The following PRLR variants were observed in gnomAD, a reference collection of about 807,000 sequenced individuals.
The protein encoded by PRLR is hPRL receptor.
Under a neutral mutation model 40.2 loss-of-function variants are expected in PRLR, and 13 were observed. The ratio of observed to expected loss-of-function variants is 0.32; its 90% confidence interval spans 0.21 to 0.51. The LOEUF is 0.51. PRLR is among the 20% of genes least tolerant of loss of function. The probability of loss-of-function intolerance (pLI) is 0.97; values close to 1 mark genes in which losing one functional copy is unlikely to be tolerated. For synonymous variants in PRLR, 269 were observed against 278.7 expected (o/e 0.97, Z 0.35); for missense variants, 656 against 747.3 (o/e 0.88, Z 1.42).
intron 1 of PRLR, among the ~76,000 whole-genome samples, chr5:35,217,763 T>C (rs1447035473): frequency 6.6e-6 from 1 of 152,208 alleles, no homozygotes; most frequent in African/African-American, 2.4e-5. Flanking sequence ...ATATGAACAC[T>C]ATTATGGTTT....
In PRLR at chr5:35,155,709, T is replaced by C. The variant is rs543668981; in HGVS notation, c.-105-37587A>G. 5.9e-4 allele frequency among the ~76,000 whole-genome samples: 90 copies of C among 152,286 alleles called. 2 individuals are homozygous for C. The highest frequency in any genetic ancestry group is 1.1e-3 in the Admixed American group (17 of 15,296). ...GAGTTACCGGAGATTCCAAAGCTAATAGAAGTCACTCCCAGGGCGTGAAGC... is the reference window on the plus strand; with the variant it reads ...GAGTTACCGGAGATTCCAAAGCTAACAGAAGTCACTCCCAGGGCGTGAAGC... On this transcript the variant is annotated intron_variant, in intron 1 of 9. Coordinates refer to ENST00000618457, the MANE Select transcript of PRLR (RefSeq NM_000949.7).
chr5:35,140,784 T>A (rs540756319), intron 1 of PRLR, among the ~76,000 whole-genome samples: 1 of 152,234 alleles, frequency 6.6e-6, no homozygotes, highest in Non-Finnish European at 1.5e-5. Flanking sequence ...AGAACTGTTT[T>A]AAATATTTTG....
intron 1 of PRLR, among the ~76,000 whole-genome samples, chr5:35,120,435 T>G (rs1773249588): frequency 6.6e-6 from 1 of 152,196 alleles, no homozygotes; most frequent in Non-Finnish European, 1.5e-5. Flanking sequence ...CTTGAATATG[T>G]GCTAAATTGT....
intron 2 of PRLR, among the ~76,000 whole-genome samples, chr5:35,106,760 C>A (rs183775521): frequency 1.3e-3 from 197 of 152,264 alleles, no homozygotes; most frequent in African/African-American, 4.6e-3. Context: ...GACTTATACT[C>A]CCACATAATA....
At chr5:35,182,467 A>C (rs1775319117) in intron 1 of PRLR, among the ~76,000 whole-genome samples, 1 of 152,224 alleles carries the variant, frequency 6.6e-6, no homozygotes, top group African/African-American at 2.4e-5. Flanking sequence ...TTCATCTTAA[A>C]CTTAAACTAC....
At chr5:35,176,750 A>G (rs942294907) in intron 1 of PRLR, among the ~76,000 whole-genome samples, 29 of 152,192 alleles carry the variant, frequency 1.9e-4, no homozygotes, top group Non-Finnish European at 7.4e-5. Flanking sequence ...TGATAGTCTG[A>G]AATACGGCCT....
chr5:35,101,998 T>C (rs549151421), intron 2 of PRLR, among the ~76,000 whole-genome samples: 1 of 152,002 alleles, frequency 6.6e-6, no homozygotes, highest in South Asian at 2.1e-4. Flanking sequence ...CAGCTAATTT[T>C]TTTGTTTTTT....
At chr5:35,209,492 G>T (rs879292507) in intron 1 of PRLR, among the ~76,000 whole-genome samples, 1 of 152,132 alleles carries the variant, frequency 6.6e-6, no homozygotes, top group Non-Finnish European at 1.5e-5. Flanking sequence ...AAGACCCACT[G>T]TTCAGAACTG....
At chr5:35,139,521 G>GA (rs1579722003) in intron 1 of PRLR, among the ~76,000 whole-genome samples, 2 of 152,142 alleles carry the variant, frequency 1.3e-5, no homozygotes, top group South Asian at 4.2e-4. Flanking sequence ...GTGGTAGAAA[G>GA]AAAAAACCCC....
At chr5:35,220,120 G>T (rs893812907) in intron 1 of PRLR, among the ~76,000 whole-genome samples, 6 of 152,140 alleles carry the variant, frequency 3.9e-5, no homozygotes, top group African/African-American at 1.4e-4. Flanking sequence ...CACAGAAGCT[G>T]GGAAGAGCTC....
At chr5:35,125,085 TAA>T (rs1773413384) in intron 1 of PRLR, among the ~76,000 whole-genome samples, 1 of 152,176 alleles carries the variant, frequency 6.6e-6, no homozygotes, top group African/African-American at 2.4e-5. Flanking sequence ...ACTGATAATT[TAA>T]AAAGAAGCAA....
intron 1 of PRLR, among the ~76,000 whole-genome samples, chr5:35,173,019 T>C (rs1430620037): frequency 1.3e-5 from 2 of 152,340 alleles, no homozygotes; most frequent in East Asian, 3.9e-4. Flanking sequence ...TTTTGTCTAG[T>C]GTTGCAATTG....
chr5:35,079,719 C>T (rs557298033), intron 5 of PRLR, among the ~76,000 whole-genome samples: 11 of 152,232 alleles, frequency 7.2e-5, no homozygotes, highest in South Asian at 4.2e-4. Context: ...AAAAAGAGCC[C>T]GTATTGCCAA....
chr5:35,197,621 T>A (rs890174666), intron 1 of PRLR, among the ~76,000 whole-genome samples: 1 of 152,240 alleles, frequency 6.6e-6, no homozygotes, highest in Non-Finnish European at 1.5e-5. Context: ...TAGTAATTGA[T>A]GGACCTACAG....
At chr5:35,204,200 T>A (rs1775952102) in intron 1 of PRLR, among the ~76,000 whole-genome samples, 1 of 136,440 alleles carries the variant, frequency 7.3e-6, no homozygotes, top group Admixed American at 7.6e-5. Flanking sequence ...GTGACAAGAG[T>A]AAAATTTCTG....
intron 1 of PRLR, among the ~76,000 whole-genome samples, chr5:35,133,655 A>C (rs1034506499): frequency 6.6e-6 from 1 of 152,232 alleles, no homozygotes; most frequent in East Asian, 1.9e-4. Flanking sequence ...AAGACCATCA[A>C]TAAGTTGTGT....
At chr5:35,135,823 C>G (rs1561326949) in intron 1 of PRLR, among the ~76,000 whole-genome samples, 1 of 152,234 alleles carries the variant, frequency 6.6e-6, no homozygotes. Context: ...TGACTCCCTA[C>G]TGGCCTTCCT....
At chr5:35,182,300 G>A (rs1044212437) in intron 1 of PRLR, among the ~76,000 whole-genome samples, 9 of 152,102 alleles carry the variant, frequency 5.9e-5, no homozygotes, top group Non-Finnish European at 1.3e-4. Context: ...TGTTACTGCC[G>A]ACAAAAATAT....
chr5:35,079,680 T>C (rs144041263), intron 5 of PRLR, among the ~76,000 whole-genome samples: 2,308 of 152,234 alleles, frequency 0.015, 60 homozygotes, highest in African/African-American at 0.054. Context: ...TTCACAGAAT[T>C]GGAAAAAACT....
Sources: gnomAD v4.1 joint callset for allele counts (sites outside exome capture counted in the v4.1 genomes callset) on GRCh38, gnomAD v4.1.1 for gene constraint, MANE v1.5 for transcripts, NCBI Gene and HGNC (gene_info 2026-07-23, HGNC 2026-07-21) for gene names.